TRPM6: variants seen among roughly 807,000 people sequenced by gnomAD.
The protein encoded by TRPM6 is transient receptor potential cation channel subfamily M member 6.
In TRPM6, 111 loss-of-function variants were observed where a neutral mutation model predicts 247.6. The observed-to-expected ratio is 0.45, with a 90% confidence interval of 0.38 to 0.52. The LOEUF (loss-of-function observed/expected upper bound fraction) is 0.52. Ranked by LOEUF, TRPM6 falls within the 20% of genes least tolerant of loss-of-function variation. The pLI is 0.00. For missense variants in TRPM6, 2,126 were observed against 2,421.5 expected (o/e 0.88, Z 2.56); for synonymous variants, 892 against 853.8 (o/e 1.04, Z -0.78).
intron 36 of TRPM6, 112 bp downstream of exon 36, chr9:74,738,295 C>T: frequency 9.3e-7 from 1 of 1,074,440 alleles, no homozygotes; most frequent in Non-Finnish European, 1.4e-6. Context: ...ATGTGCCCAC[C>T]TCCCTTCAAA....
At chr9:74,838,137 T>G (rs543004656) in intron 5 of TRPM6, among the ~76,000 whole-genome samples, 14 of 152,364 alleles carry the variant, frequency 9.2e-5, no homozygotes, top group Non-Finnish European at 1.3e-4. Context: ...CACACTACTC[T>G]ATTTGTGTTT....
intron 1 of TRPM6, among the ~76,000 whole-genome samples, chr9:74,872,600 TTGTG>T (rs59577843): frequency 6.7e-6 from 1 of 150,088 alleles, no homozygotes; most frequent in African/African-American, 2.5e-5. Context: ...CCAGCAAATT[TTGTG>T]TGTGTGTGTG....
intron 5 of TRPM6, among the ~76,000 whole-genome samples, chr9:74,836,364 C>T (rs1829721442): frequency 6.6e-6 from 1 of 152,172 alleles, no homozygotes; most frequent in Admixed American, 6.5e-5. Context: ...CTGCATATGG[C>T]ATGGATCTGA....
chr9:74,812,893 T>C (rs751796895), intron 11 of TRPM6, among the ~76,000 whole-genome samples: 1 of 152,056 alleles, frequency 6.6e-6, no homozygotes, highest in Non-Finnish European at 1.5e-5. Context: ...CTGTCTTGAA[T>C]GAATGAATGA....
chr9:74,854,139 C>T (rs1830451457), intron 3 of TRPM6, among the ~76,000 whole-genome samples: 1 of 152,150 alleles, frequency 6.6e-6, no homozygotes, highest in African/African-American at 2.4e-5. Context: ...TGCTCAGTAA[C>T]TCGTATTAGG....
intron 2 of TRPM6, chr9:74,857,753 T>C (rs372131372): frequency 2.6e-5 from 4 of 152,320 alleles, no homozygotes; most frequent in South Asian, 4.1e-4. Context: ...AAGGATGACA[T>C]GCAAATTCAT....
rs557947800 is a variant in TRPM6, at chr9:74,822,629, T to A, written c.842-792A>T. Among the ~76,000 whole-genome samples, 7 of 152,256 alleles carry A rather than the reference T, an allele frequency of 4.6e-5. No individual in the cohort carries two copies. In the East Asian group the frequency reaches 1.2e-3, roughly 25 times the overall value. On this transcript the variant is annotated intron_variant, in intron 7 of 38. Coordinates refer to ENST00000360774, the MANE Select transcript of TRPM6 (RefSeq NM_017662.5). ...ACACTCAAAGACTTTTGCATTGCCA[T>A]TTATTTCATTTTTTATTGTTTGAAT...
intron 17 of TRPM6, among the ~76,000 whole-genome samples, chr9:74,797,643 CAT>C (rs1389591810): frequency 6.6e-6 from 1 of 152,056 alleles, no homozygotes; most frequent in Non-Finnish European, 1.5e-5. Flanking sequence ...TATAGAAGAA[CAT>C]AGAGTGATCC....
rs1357806822 is a variant in TRPM6, at chr9:74,762,514, T to C, written c.4157A>G (p.His1386Arg). ...EQDIQTEVLV[H>R]LTGQTPVVSD... ...GACAACTGGGGTCTGCCCAGTCAGA[T>C]GAACAAGAACCTCAGTCTGGATGTC... Residue 1386 changes from histidine (H) to arginine (R), a missense_variant, in exon 26 of 39, where the codon CAT becomes CGT. Coordinates refer to ENST00000360774, the MANE Select transcript of TRPM6 (RefSeq NM_017662.5). The C allele has an allele frequency of 6.2e-7, 1 of 1,614,050 alleles. No homozygotes were observed. Among genetic ancestry groups the C allele is most frequent in the Non-Finnish European group, 8.5e-7 (1 of 1,180,028 alleles).
At chr9:74,724,859 AGAC>A in intron 38 of TRPM6, 113 bp from the exon 39 acceptor site, 1 of 1,374,702 alleles carries the variant, frequency 7.3e-7, no homozygotes, top group Non-Finnish European at 1.0e-6. Context: ...CCTCTTCCTC[AGAC>A]CATAGATATG....
At chr9:74,746,674 A>T (rs1192510948) in intron 31 of TRPM6, among the ~76,000 whole-genome samples, 1 of 152,216 alleles carries the variant, frequency 6.6e-6, no homozygotes, top group Non-Finnish European at 1.5e-5. Flanking sequence ...GATAATTCTG[A>T]TAGAAACATA....
intron 37 of TRPM6, among the ~76,000 whole-genome samples, chr9:74,732,020 T>A (rs922944049): frequency 6.6e-6 from 1 of 152,156 alleles, no homozygotes; most frequent in Non-Finnish European, 1.5e-5. Context: ...CACTATCACT[T>A]CTTTCTACCC....
At chr9:74,747,104 TAGC>T (rs1826074686) in intron 31 of TRPM6, among the ~76,000 whole-genome samples, 2 of 152,308 alleles carry the variant, frequency 1.3e-5, no homozygotes. Context: ...TCAAGTGAGT[TAGC>T]AGTTGTAGTG....
chr9:74,782,320 C>T (rs771750337), intron 23 of TRPM6, 42 bp downstream of exon 23: 7 of 1,461,572 alleles, frequency 4.8e-6, no homozygotes, highest in South Asian at 2.3e-5. Flanking sequence ...TATCTGCCCA[C>T]ATTTCTTATT....
intron 29 of TRPM6, among the ~76,000 whole-genome samples, chr9:74,751,155 G>A (rs1284452254): frequency 6.6e-6 from 1 of 152,060 alleles, no homozygotes; most frequent in Admixed American, 6.6e-5. Flanking sequence ...CTCATCTCAG[G>A]TCATGATGAT....
chr9:74,731,196 T>A (rs1007780892), intron 37 of TRPM6, among the ~76,000 whole-genome samples: 1 of 152,164 alleles, frequency 6.6e-6, no homozygotes, highest in Admixed American at 6.5e-5. Context: ...TCAGGTCATA[T>A]TAAGTGACAT....
chr9:74,876,833 G>A (rs1338640180), intron 1 of TRPM6, among the ~76,000 whole-genome samples: 1 of 152,180 alleles, frequency 6.6e-6, no homozygotes, highest in African/African-American at 2.4e-5. Flanking sequence ...ACAGATACTG[G>A]GAGGGTCATG....
At chr9:74,865,892 C>T (rs1830830041) in intron 1 of TRPM6, among the ~76,000 whole-genome samples, 1 of 152,104 alleles carries the variant, frequency 6.6e-6, no homozygotes. Context: ...CTGCCTCAGC[C>T]CCCTGAGAAT....
intron 27 of TRPM6, among the ~76,000 whole-genome samples, chr9:74,760,735 A>C (rs1762494459): frequency 6.6e-6 from 1 of 152,336 alleles, no homozygotes; most frequent in African/African-American, 2.4e-5. Flanking sequence ...TCCAAAACTC[A>C]TGTTAAAACT....
Sources: allele counts gnomAD v4.1 joint callset (sites outside exome capture counted in the v4.1 genomes callset), GRCh38; gene constraint gnomAD v4.1.1; transcripts MANE v1.5; gene names NCBI Gene and HGNC (gene_info 2026-07-23, HGNC 2026-07-21).